The following COX16 variants were observed in gnomAD, a reference collection of about 807,000 sequenced individuals.
The protein encoded by COX16 is cytochrome c oxidase assembly protein COX16 homolog, mitochondrial.
In COX16, 12 loss-of-function variants were observed where a neutral mutation model predicts 15.4. That is an observed-to-expected ratio of 0.78 (90% CI 0.50 to 1.26). COX16 has a LOEUF of 1.26. Among genes scored for constraint, COX16 ranks in the 50% most tolerant of loss-of-function variants. The pLI is 0.00. For synonymous variants in COX16, 46 were observed against 41.1 expected (o/e 1.12, Z -0.46); for missense variants, 124 against 127.6 (o/e 0.97, Z 0.14).
chr14:70,358,864 C>T (rs554444394), intron 1 of COX16, among the ~76,000 whole-genome samples: 15 of 152,290 alleles, frequency 9.8e-5, no homozygotes, highest in Admixed American at 8.5e-4. Flanking sequence ...TTAGGGAACT[C>T]AGTGTGGATA....
intron 1 of COX16, among the ~76,000 whole-genome samples, chr14:70,348,820 AC>A (rs1264257752): frequency 6.6e-6 from 1 of 152,088 alleles, no homozygotes; most frequent in East Asian, 1.9e-4. Flanking sequence ...AAGCTGCCAG[AC>A]TCCCGCAGAA....
intron 3 of COX16, among the ~76,000 whole-genome samples, chr14:70,327,011 CTG>C (rs1886101735): frequency 6.6e-6 from 1 of 152,180 alleles, no homozygotes; most frequent in South Asian, 2.1e-4. Context: ...TTCATTTAGT[CTG>C]AAGTACCTCT....
intron 1 of COX16, among the ~76,000 whole-genome samples, chr14:70,344,290 T>G (rs548472330): frequency 2.3e-4 from 35 of 152,372 alleles, no homozygotes; most frequent in African/African-American, 7.5e-4. Flanking sequence ...AAAGGCAGAC[T>G]GGTCCCCAGG....
intron 1 of COX16, among the ~76,000 whole-genome samples, chr14:70,357,509 A>G (rs1283523951): frequency 6.6e-6 from 1 of 152,248 alleles, no homozygotes; most frequent in Non-Finnish European, 1.5e-5. Context: ...AAAGACTGGC[A>G]GATTTGTTGG....
chr14:70,357,811 G>A (rs1437269529), intron 1 of COX16, among the ~76,000 whole-genome samples: 1 of 152,202 alleles, frequency 6.6e-6, no homozygotes, highest in Non-Finnish European at 1.5e-5. Flanking sequence ...GTAAAATGAT[G>A]CAGCCACTTT....
At chr14:70,328,071 G>GTTTTTTTTTTTTTT (rs1594905215) in intron 3 of COX16, 1 of 59,070 alleles carries the variant, frequency 1.7e-5, no homozygotes, top group Non-Finnish European at 3.2e-5. Context: ...CTGAGAATAA[G>GTTTTTTTTTTTTTT]ATTTTTTTTT....
intron 1 of COX16, among the ~76,000 whole-genome samples, chr14:70,345,522 T>G (rs1317812946): frequency 6.6e-6 from 1 of 152,168 alleles, no homozygotes; most frequent in Non-Finnish European, 1.5e-5. Flanking sequence ...CCTGCAAACC[T>G]TAGGCCTCAG....
At chr14:70,344,012 G>A (rs1886701173) in intron 1 of COX16, among the ~76,000 whole-genome samples, 2 of 152,126 alleles carry the variant, frequency 1.3e-5, no homozygotes, top group South Asian at 2.1e-4. Flanking sequence ...GTTTGGAGTT[G>A]GACTCATAGG....
At chr14:70,348,603 C>T (rs1156640577) in intron 1 of COX16, among the ~76,000 whole-genome samples, 1 of 152,074 alleles carries the variant, frequency 6.6e-6, no homozygotes, top group South Asian at 2.1e-4. Flanking sequence ...CAATCCGCTC[C>T]CCCAGGCACC....
intron 2 of COX16, among the ~76,000 whole-genome samples, chr14:70,341,107 A>G (rs1242742485): frequency 6.6e-6 from 1 of 152,166 alleles, no homozygotes; most frequent in Admixed American, 6.5e-5. Context: ...TCCAAATGTC[A>G]TATACTACCA....
At chr14:70,339,359 C>T (rs988390989) in intron 2 of COX16, among the ~76,000 whole-genome samples, 4 of 152,164 alleles carry the variant, frequency 2.6e-5, no homozygotes, top group East Asian at 3.8e-4. Context: ...TAGGCTTATA[C>T]TTTCCCATGA....
intron 1 of COX16, 87 bp from the exon 2 acceptor site, chr14:70,342,816 A>C: frequency 7.3e-7 from 1 of 1,366,686 alleles, no homozygotes; most frequent in Non-Finnish European, 1.0e-6. Flanking sequence ...CTAAACAACA[A>C]TAGAGGCACA....
chr14:70,327,285 T>C (rs1490910728), intron 3 of COX16, among the ~76,000 whole-genome samples: 1 of 152,100 alleles, frequency 6.6e-6, no homozygotes, highest in Non-Finnish European at 1.5e-5. Context: ...TGGAAAGTAA[T>C]TTAAGCCACC....
intron 2 of COX16, among the ~76,000 whole-genome samples, chr14:70,334,307 G>T (rs1383787613): frequency 6.6e-6 from 1 of 152,166 alleles, no homozygotes; most frequent in Non-Finnish European, 1.5e-5. Context: ...TGGATCACTT[G>T]AGGTCAGGAG....
intron 1 of COX16, among the ~76,000 whole-genome samples, chr14:70,357,192 T>C (rs1051402865): frequency 8.5e-6 from 1 of 117,696 alleles, no homozygotes; most frequent in South Asian, 2.6e-4. Context: ...AAAAAAAAAA[T>C]TCAGAGGTAA....
intron 1 of COX16, among the ~76,000 whole-genome samples, chr14:70,351,340 A>G (rs899353813): frequency 7.7e-6 from 1 of 130,382 alleles, no homozygotes; most frequent in East Asian, 1.9e-4. Context: ...TTTTATTAAT[A>G]AATACACACA....
chr14:70,354,468 A>G (rs545464286), intron 1 of COX16, among the ~76,000 whole-genome samples: 42 of 152,288 alleles, frequency 2.8e-4, no homozygotes, highest in African/African-American at 1.0e-3. Context: ...CACATGGCCA[A>G]TGGTTCAATC....
intron 2 of COX16, among the ~76,000 whole-genome samples, chr14:70,334,697 A>T (rs1381570231): frequency 6.6e-6 from 1 of 152,236 alleles, no homozygotes; most frequent in African/African-American, 2.4e-5. Flanking sequence ...TGCAAAGCAA[A>T]AATCCGTAAC....
chr14:70,354,797 G>GT (rs1206476055), intron 1 of COX16, among the ~76,000 whole-genome samples: 1 of 151,654 alleles, frequency 6.6e-6, no homozygotes, highest in African/African-American at 2.4e-5. Flanking sequence ...GGTGTAGGAA[G>GT]TTAGGGGAGT....
Sources: allele counts gnomAD v4.1 joint callset (sites outside exome capture counted in the v4.1 genomes callset), GRCh38; gene constraint gnomAD v4.1.1; transcripts MANE v1.5; gene names NCBI Gene and HGNC (gene_info 2026-07-23, HGNC 2026-07-21).